Variants in SLC2A9 observed in about 807,000 individuals in gnomAD.
The protein encoded by SLC2A9 is solute carrier family 2, facilitated glucose transporter member 9.
SLC2A9 carries 39 observed loss-of-function variants against 50.6 expected under a neutral mutation model. That is an observed-to-expected ratio of 0.77 (90% CI 0.60 to 1.01). The LOEUF (loss-of-function observed/expected upper bound fraction) is 1.01. Ranked by LOEUF, SLC2A9 falls within the 50% of genes least tolerant of loss-of-function variation. SLC2A9 has a pLI of 0.00. For missense variants in SLC2A9, 686 were observed against 677.6 expected, an observed-to-expected ratio of 1.01 and a Z score of -0.14; for synonymous variants, 324 against 276.9, an observed-to-expected ratio of 1.17 and a Z score of -1.69.
upstream of SLC2A9, among the ~76,000 whole-genome samples, chr4:10,021,848 T>C (rs1763533414): frequency 6.6e-6 from 1 of 151,674 alleles, no homozygotes; most frequent in Non-Finnish European, 1.5e-5. Flanking sequence ...TCCACTTTTT[T>C]TTTTTTTTTT....
chr4:10,029,548 A>AATATTT (rs1560510174), intron 1 of SLC2A9, among the ~76,000 whole-genome samples: 13 of 125,248 alleles, frequency 1.0e-4, no homozygotes, highest in African/African-American at 4.7e-4. Flanking sequence ...AATTTTTTAA[A>AATATTT]TATTTTATTT....
At chr4:9,818,607 A>T (rs763153972) in intron 3 of SLC2A9, among the ~76,000 whole-genome samples, 19 of 152,242 alleles carry the variant, frequency 1.2e-4, no homozygotes, top group Non-Finnish European at 2.6e-4. Flanking sequence ...GCTTAGCAGA[A>T]TTCTCGCTAA....
chr4:9,900,989 C>G (rs1739498008), intron 8 of SLC2A9, among the ~76,000 whole-genome samples: 1 of 152,222 alleles, frequency 6.6e-6, no homozygotes, highest in Non-Finnish European at 1.5e-5. Flanking sequence ...CAGAGCCAAA[C>G]CATATCAACG....
intron 3 of SLC2A9, among the ~76,000 whole-genome samples, chr4:9,791,428 T>C (rs1719904784): frequency 6.6e-6 from 1 of 152,198 alleles, no homozygotes; most frequent in African/African-American, 2.4e-5. Flanking sequence ...TGCATGTGAC[T>C]AGTCATTCTC....
intron 10 of SLC2A9, among the ~76,000 whole-genome samples, chr4:9,855,900 G>A (rs1031378914): frequency 4.6e-5 from 7 of 152,142 alleles, no homozygotes; most frequent in Non-Finnish European, 8.8e-5. Flanking sequence ...GGGATAATTG[G>A]GGAACTATAT....
At chr4:9,961,493 T>A (rs1396005214) in intron 5 of SLC2A9, among the ~76,000 whole-genome samples, 1 of 152,190 alleles carries the variant, frequency 6.6e-6, no homozygotes, top group East Asian at 1.9e-4. Flanking sequence ...GGAGAACTGG[T>A]TAGCCATAGA....
chr4:9,824,998 A>T (rs1317638270), downstream of SLC2A9, among the ~76,000 whole-genome samples: 2 of 152,200 alleles, frequency 1.3e-5, no homozygotes, highest in African/African-American at 4.8e-5. Flanking sequence ...AACTGAACTC[A>T]AATTTTGCCT....
chr4:9,987,674 T>C (rs1355991409), intron 3 of SLC2A9, among the ~76,000 whole-genome samples: 2 of 152,144 alleles, frequency 1.3e-5, no homozygotes, highest in Non-Finnish European at 2.9e-5. Context: ...GATGCTATTA[T>C]ACTCATTATA....
rs1726771803 is a variant in SLC2A9 at position 9,834,886 on chromosome 4, T to C, written c.1414A>G (p.Ile472Val). Residue 472 changes from isoleucine (I) to valine (V), a missense_variant, in exon 11 of 12, where the codon ATT (isoleucine) becomes GTT (valine). Coordinates refer to ENST00000264784, the MANE Select transcript of SLC2A9 (RefSeq NM_020041.3). Reference sequence around the variant, plus strand: ...AGACTCCTTGTCAGTCATACCTGAATGAATGGGAAGAGGAGCCCAACAGCA... The same window carrying C: ...AGACTCCTTGTCAGTCATACCTGAACGAATGGGAAGAGGAGCCCAACAGCA... ...NFAVGLLFPF[I>V]QKSLDTYCFL... is the part of the protein sequence containing the mutation. 5.6e-6 allele frequency: 9 copies of C among 1,614,130 alleles called. No homozygotes were observed. Among genetic ancestry groups the C allele is most frequent in the Non-Finnish European group, 6.8e-6 (8 of 1,180,014 alleles).
chr4:9,771,581 A>G (rs1400179618), intron 1 of SLC2A9, among the ~76,000 whole-genome samples: 3 of 152,240 alleles, frequency 2.0e-5, no homozygotes, highest in East Asian at 3.9e-4. Context: ...ACACATATCA[A>G]TGGGTTCATC....
intron 10 of SLC2A9, among the ~76,000 whole-genome samples, chr4:9,850,235 G>A (rs926071728): frequency 6.6e-6 from 1 of 152,174 alleles, no homozygotes; most frequent in African/African-American, 2.4e-5. Flanking sequence ...AATCCTAGCA[G>A]CAGGATACCC....
At chr4:9,775,756 TAA>T (rs929994720), downstream of SLC2A9, among the ~76,000 whole-genome samples, 1 of 152,192 alleles carries the variant, frequency 6.6e-6, no homozygotes, top group Non-Finnish European at 1.5e-5. Flanking sequence ...ATGCTTCTTG[TAA>T]AGCCCGCAAA....
intron 10 of SLC2A9, among the ~76,000 whole-genome samples, chr4:9,869,306 C>A (rs1733012752): frequency 6.6e-6 from 1 of 152,206 alleles, no homozygotes; most frequent in African/African-American, 2.4e-5. Context: ...TCAGTCCATG[C>A]CTCCTGCTTA....
chr4:9,772,820 T>A (rs73805837), intron 1 of SLC2A9, among the ~76,000 whole-genome samples: 169 of 61,856 alleles, frequency 2.7e-3, no homozygotes, highest in African/African-American at 7.5e-3. Flanking sequence ...TTTATTTTTT[T>A]TTTTATTTTT....
At chr4:9,842,890 C>A (rs6449049) in intron 10 of SLC2A9, among the ~76,000 whole-genome samples, 25,563 of 151,914 alleles carry the variant, frequency 0.17, 3,089 homozygotes, top group African/African-American at 0.34. Flanking sequence ...GCCAGTTGAT[C>A]CCAGGAAATG....
At chr4:9,903,272 TTTAC>T (rs1180182834) in intron 8 of SLC2A9, among the ~76,000 whole-genome samples, 1 of 152,112 alleles carries the variant, frequency 6.6e-6, no homozygotes, top group Non-Finnish European at 1.5e-5. Flanking sequence ...TTTTTTTTTT[TTTAC>T]TACAAGTCAA....
At chr4:9,953,426 C>T (rs1750663861) in intron 5 of SLC2A9, among the ~76,000 whole-genome samples, 2 of 152,360 alleles carry the variant, frequency 1.3e-5, no homozygotes, top group African/African-American at 4.8e-5. Flanking sequence ...CCTTGCCCAT[C>T]TGAGTTTGAG....
At position 9,920,252 on chromosome 4, in the gene SLC2A9, C is replaced by G. The variant is rs949224334; in HGVS notation, c.1002+133G>C. On this transcript the variant is annotated intron_variant, in intron 7 of 11. Transcript: ENST00000264784. ...GAGGATCAGTCAAGTTACATGGTTA[C>G]CTAACAGCATAGAGTTTGTGGCAAT... 4.4e-6 allele frequency: 4 copies of G among 906,596 alleles called. No individual in the cohort carries two copies. The African/African-American group carries it at 6.6e-5, about 15-fold the overall frequency. The allele number at this position is 906,596 out of a possible 1,614,324, so 56.2% of individuals were successfully genotyped here.
At chr4:9,879,011 T>A in intron 10 of SLC2A9, 1 of 983,120 alleles carries the variant, frequency 1.0e-6, no homozygotes, top group Non-Finnish European at 1.2e-6. Flanking sequence ...GAGTATGTTT[T>A]GAATGAATTC....
Sources: allele counts gnomAD v4.1 joint callset (sites outside exome capture counted in the v4.1 genomes callset), GRCh38; gene constraint gnomAD v4.1.1; transcripts MANE v1.5; gene names NCBI Gene and HGNC (gene_info 2026-07-23, HGNC 2026-07-21).